Variants in ZNF536 observed in about 807,000 individuals in gnomAD.
ZNF536 encodes the protein zinc finger protein 536.
ZNF536 carries 13 observed loss-of-function variants against 84.5 expected under a neutral mutation model. That is an observed-to-expected ratio of 0.15 (90% CI 0.10 to 0.24). The LOEUF is 0.24. Among genes scored for constraint, ZNF536 ranks in the 10% least tolerant of loss-of-function variants. ZNF536 has a pLI of 1.00. For synonymous variants in ZNF536, 811 were observed against 742.5 expected (o/e 1.09, Z -1.50); for missense variants, 1,536 against 1,747.5 (o/e 0.88, Z 2.16).
chr19:30,407,979 A>T (rs544296762), intron 1 of ZNF536, among the ~76,000 whole-genome samples: 20 of 152,230 alleles, frequency 1.3e-4, no homozygotes, highest in African/African-American at 4.6e-4. Context: ...GCCGTCATGA[A>T]ATCAGTTGGG....
In ZNF536 at chr19:30,575,151, T is replaced by G. The variant is rs570236680; in HGVS notation, c.169+25637T>G. On this transcript the variant is annotated intron_variant, in intron 1 of 1. Transcript: ENST00000592773. ...ATTCATTCATTCATTCATTCATTCA[T>G]TCAGCAAGCAAGCATTGATGGAACA... Among the ~76,000 whole-genome samples, 47 of 152,300 alleles carry G rather than the reference T, an allele frequency of 3.1e-4. 1 individual carries two copies. The highest frequency in any genetic ancestry group is 3.4e-3 in the Middle Eastern group (1 of 292).
intron 1 of ZNF536, among the ~76,000 whole-genome samples, chr19:30,682,994 G>A (rs1335489923): frequency 1.3e-5 from 2 of 152,202 alleles, no homozygotes; most frequent in African/African-American, 4.8e-5. Flanking sequence ...GCATGTTTAC[G>A]AGGCGCGCGA....
chr19:30,581,975 A>T (rs1463625073), intron 1 of ZNF536, among the ~76,000 whole-genome samples: 1 of 152,148 alleles, frequency 6.6e-6, no homozygotes, highest in Admixed American at 6.6e-5. Flanking sequence ...ACAAAAAAGA[A>T]GGAGTTATGT....
chr19:30,574,086 G>A (rs529810953), intron 1 of ZNF536, among the ~76,000 whole-genome samples: 1 of 152,266 alleles, frequency 6.6e-6, no homozygotes, highest in East Asian at 1.9e-4. Flanking sequence ...CATTCTGGGA[G>A]GCAAAAGGTA....
intron 1 of ZNF536, among the ~76,000 whole-genome samples, chr19:30,662,104 G>A (rs1447707246): frequency 6.6e-6 from 1 of 152,148 alleles, no homozygotes. Flanking sequence ...GAGTCCCTCC[G>A]ATGCCATCTC....
At chr19:30,579,231 T>C (rs943443149) in intron 1 of ZNF536, among the ~76,000 whole-genome samples, 17 of 152,198 alleles carry the variant, frequency 1.1e-4, no homozygotes, top group Non-Finnish European at 2.2e-4. Flanking sequence ...GAATGACTAA[T>C]GGGTTTTCCA....
chr19:30,503,982 A>T (rs1235547038), intron 2 of ZNF536, among the ~76,000 whole-genome samples: 1 of 151,890 alleles, frequency 6.6e-6, no homozygotes, highest in African/African-American at 2.4e-5. Context: ...TTATTTTTAA[A>T]GATAAAAGAA....
chr19:30,398,636 G>A (rs1047947634), intron 1 of ZNF536, among the ~76,000 whole-genome samples: 2 of 152,030 alleles, frequency 1.3e-5, no homozygotes, highest in Non-Finnish European at 2.9e-5. Flanking sequence ...GAGAACATGC[G>A]GTGTTTGGTT....
At chr19:30,563,212 T>C (rs1343131781) in intron 1 of ZNF536, among the ~76,000 whole-genome samples, 1 of 152,088 alleles carries the variant, frequency 6.6e-6, no homozygotes, top group East Asian at 1.9e-4. Context: ...CCCTCATCCT[T>C]GCCAATTTGT....
intron 2 of ZNF536, among the ~76,000 whole-genome samples, chr19:30,317,246 C>A (rs2046709649): frequency 6.6e-6 from 1 of 152,094 alleles, no homozygotes; most frequent in South Asian, 2.1e-4. Flanking sequence ...TGCTGTTTTT[C>A]CACAAGAAAC....
intron 1 of ZNF536, among the ~76,000 whole-genome samples, chr19:30,405,284 C>G (rs1028656171): frequency 6.6e-6 from 1 of 152,136 alleles, no homozygotes; most frequent in Non-Finnish European, 1.5e-5. Flanking sequence ...GAAAGGAGGT[C>G]AGAAAAAGAT....
At chr19:30,575,028 C>T (rs185147727) in intron 1 of ZNF536, among the ~76,000 whole-genome samples, 1,542 of 152,278 alleles carry the variant, frequency 0.01, 15 homozygotes, top group Non-Finnish European at 0.017. Flanking sequence ...CCTGTCTCTG[C>T]TCATGTAGTC....
intron 3 of ZNF536, among the ~76,000 whole-genome samples, chr19:30,537,934 C>CT (rs1342268839): frequency 6.6e-6 from 1 of 152,170 alleles, no homozygotes; most frequent in Non-Finnish European, 1.5e-5. Flanking sequence ...GATCAATTAC[C>CT]TTTTTATCTA....
At chr19:30,453,277 T>G (rs112597234) in intron 2 of ZNF536, among the ~76,000 whole-genome samples, 5,589 of 152,214 alleles carry the variant, frequency 0.037, 207 homozygotes, top group African/African-American at 0.099. Context: ...CCGGGCTGGG[T>G]TTCCCTGGGA....
At chr19:30,229,247 T>C (rs1485752524) in intron 1 of ZNF536, among the ~76,000 whole-genome samples, 1 of 152,110 alleles carries the variant, frequency 6.6e-6, no homozygotes, top group Non-Finnish European at 1.5e-5. Flanking sequence ...TTTCTTTTGC[T>C]TGAAGGAGAG....
At chr19:30,302,714 G>A (rs1011246568) in intron 2 of ZNF536, among the ~76,000 whole-genome samples, 35 of 152,006 alleles carry the variant, frequency 2.3e-4, no homozygotes, top group African/African-American at 7.7e-4. Flanking sequence ...CACCTTCCAC[G>A]CATTTTCTCT....
At chr19:30,629,527 G>T (rs1413784038) in intron 1 of ZNF536, among the ~76,000 whole-genome samples, 15 of 152,218 alleles carry the variant, frequency 9.9e-5, no homozygotes. Context: ...TTGCAACGGT[G>T]CAACGAAGTG....
At chr19:30,533,953 G>A in intron 2 of ZNF536, among the ~76,000 whole-genome samples, 1 of 152,186 alleles carries the variant, frequency 6.6e-6, no homozygotes, top group East Asian at 1.9e-4. Context: ...TCAGGCCTCG[G>A]GGGCTGCAAT....
intron 4 of ZNF536, among the ~76,000 whole-genome samples, chr19:30,551,494 G>A (rs939996481): frequency 2.0e-5 from 3 of 152,072 alleles, no homozygotes; most frequent in Admixed American, 1.3e-4. Context: ...ACATTTCCCC[G>A]CTATGTGCAA....
Sources: allele counts gnomAD v4.1 joint callset (sites outside exome capture counted in the v4.1 genomes callset), GRCh38; gene constraint gnomAD v4.1.1; transcripts MANE v1.5; gene names NCBI Gene and HGNC (gene_info 2026-07-23, HGNC 2026-07-21).